The following BPIFA2 variants were observed in gnomAD, a reference collection of about 807,000 sequenced individuals.
BPIFA2 encodes the protein BPI fold-containing family A member 2.
A neutral mutation model predicts 25.7 loss-of-function variants in BPIFA2; 20 were observed. That is an observed-to-expected ratio of 0.78 (90% CI 0.55 to 1.13). The LOEUF is 1.13. Ranked by LOEUF, BPIFA2 falls within the 50% of genes most tolerant of loss-of-function variation. The probability of loss-of-function intolerance (pLI) is 0.00; values close to 1 mark genes in which losing one functional copy is unlikely to be tolerated. For synonymous variants in BPIFA2, 126 were observed against 124.3 expected (o/e 1.01, Z -0.09); for missense variants, 300 against 298.1 (o/e 1.01, Z -0.05).
intron 2 of BPIFA2, among the ~76,000 whole-genome samples, chr20:33,170,453 C>A (rs1049527069): frequency 6.6e-6 from 1 of 152,112 alleles, no homozygotes; most frequent in African/African-American, 2.4e-5. Flanking sequence ...ACTCTGTCAC[C>A]CAAGCTAGAG....
At chr20:33,162,244 G>A (rs1027008931) in intron 1 of BPIFA2, among the ~76,000 whole-genome samples, 1 of 152,192 alleles carries the variant, frequency 6.6e-6, no homozygotes, top group Non-Finnish European at 1.5e-5. Flanking sequence ...GCCTCCCAAA[G>A]TGCTGGAATT....
Position 33,172,980 on chromosome 20 carries a change from G to A in BPIFA2, c.206G>A (p.Ser69Asn). The change falls in exon 3 of 9, where the codon AGT becomes AAT. Residue 69 changes from serine (S) to asparagine (N), a missense_variant. Coordinates refer to ENST00000354932, the MANE Select transcript of BPIFA2 (RefSeq NM_080574.4). The stretch of plus-strand genomic sequence containing the variant: ...GACCTAGGAGTGCTTCAGAAATCCA[G>A]TGCTTGGCAACTGGCCAAGCAGAAG... ...KVDLGVLQKSSAWQLAKQKAQ... is the reference protein window; with the variant it reads ...KVDLGVLQKSNAWQLAKQKAQ... The A allele has an allele frequency of 6.2e-7, 1 of 1,614,086 alleles. No individual in the cohort carries two copies. Among genetic ancestry groups the A allele is most frequent in the Non-Finnish European group, 8.5e-7 (1 of 1,179,992 alleles).
intron 4 of BPIFA2, among the ~76,000 whole-genome samples, chr20:33,174,630 G>T (rs1984012174): frequency 6.6e-6 from 1 of 152,144 alleles, no homozygotes; most frequent in South Asian, 2.1e-4. Context: ...TTTAAGTTTA[G>T]CTGGGAGTGG....
upstream of BPIFA2, among the ~76,000 whole-genome samples, chr20:33,166,585 C>A (rs1388396570): frequency 1.3e-5 from 2 of 152,168 alleles, no homozygotes; most frequent in African/African-American, 2.4e-5. Flanking sequence ...CAGCAAGGTG[C>A]GGTCTCTGGC....
chr20:33,180,036 G>A (rs1425399912), intron 7 of BPIFA2, among the ~76,000 whole-genome samples: 1 of 151,930 alleles, frequency 6.6e-6, no homozygotes, highest in Non-Finnish European at 1.5e-5. Context: ...TGGGTGACAC[G>A]GTGAAACCCC....
chr20:33,162,223 C>T (rs1400913713), intron 1 of BPIFA2, among the ~76,000 whole-genome samples: 3 of 152,160 alleles, frequency 2.0e-5, no homozygotes, highest in Non-Finnish European at 2.9e-5. Context: ...TCAGGTGATC[C>T]ACCCGCCTTG....
chr20:33,167,726 C>T (rs1356720630), upstream of BPIFA2, among the ~76,000 whole-genome samples: 2 of 152,166 alleles, frequency 1.3e-5, no homozygotes, highest in South Asian at 2.1e-4. Context: ...AATTCTAGAC[C>T]CATCTCGGTC....
chr20:33,169,263 C>G lies in BPIFA2; in HGVS notation c.118C>G (p.Leu40Val), dbSNP rs1313759137. Residue 40 changes from leucine to valine, a missense_variant, in exon 2 of 9, where the codon CTT becomes GTT. Leu to Val is a conservative substitution (Grantham distance 32). Coordinates refer to ENST00000354932, the MANE Select transcript of BPIFA2 (RefSeq NM_080574.4). Reference protein sequence around the residue: ...SNVVDKLEPVLHEGLETVDNT... With the variant: ...SNVVDKLEPVVHEGLETVDNT... ...TGTCGTGGATAAGCTGGAACCTGTTCTTCACGAGGGACTTGAGACAGTTGA... is the reference window on the plus strand; with the variant it reads ...TGTCGTGGATAAGCTGGAACCTGTTGTTCACGAGGGACTTGAGACAGTTGA... 5 of 1,613,980 alleles carry G rather than the reference C, an allele frequency of 3.1e-6. No homozygotes were observed. In the Admixed American group the frequency reaches 8.3e-5, roughly 27 times the overall value.
exon 1 of BPIFA2, chr20:33,161,846 G>A (rs1983589006): frequency 1.3e-5 from 2 of 152,226 alleles, no homozygotes; most frequent in African/African-American, 4.8e-5. Flanking sequence ...ATTCTGCGAG[G>A]CCAGAGAGGA....
At chr20:33,177,914 C>T (rs945282942) in intron 5 of BPIFA2, among the ~76,000 whole-genome samples, 8 of 152,112 alleles carry the variant, frequency 5.3e-5, no homozygotes, top group African/African-American at 9.7e-5. Flanking sequence ...AATGAGTGAA[C>T]GAATAAGGTC....
At chr20:33,177,354 CAA>C (rs57465925) in intron 5 of BPIFA2, among the ~76,000 whole-genome samples, 1,887 of 120,780 alleles carry the variant, frequency 0.016, 33 homozygotes, top group East Asian at 0.047. Context: ...GACATTGTCT[CAA>C]AAAAAAAAAA....
intron 2 of BPIFA2, among the ~76,000 whole-genome samples, chr20:33,171,781 C>T (rs1362842389): frequency 1.3e-5 from 2 of 152,172 alleles, no homozygotes; most frequent in Admixed American, 1.3e-4. Flanking sequence ...CACTTTTGCC[C>T]TGTTGGTGGG....
chr20:33,170,492 CA>C (rs1198792720), intron 2 of BPIFA2, among the ~76,000 whole-genome samples: 1 of 152,168 alleles, frequency 6.6e-6, no homozygotes, highest in African/African-American at 2.4e-5. Flanking sequence ...CTCCTGGGCT[CA>C]ACTGATCCTC....
intron 1 of BPIFA2, among the ~76,000 whole-genome samples, chr20:33,168,449 C>T (rs182095045): frequency 6.6e-6 from 1 of 152,086 alleles, no homozygotes; most frequent in African/African-American, 2.4e-5. Context: ...GGTGTCAAGA[C>T]AAATGGCAAA....
At position 33,174,105 on chromosome 20, in the gene BPIFA2, T is replaced by C. The variant is rs987090897; in HGVS notation, c.329T>C (p.Leu110Pro). The change falls in exon 4 of 9, where the codon CTG becomes CCG. Residue 110 changes from leucine to proline, a missense_variant. Transcript: ENST00000354932. ...FGLKISNSLILDVKAEPIDDG... is the reference protein window; with the variant it reads ...FGLKISNSLIPDVKAEPIDDG... ...TTGAAAATCAGCAACTCCCTCATCC[T>C]GGATGTCAAAGCTGAACCGATCGAT... The C allele has an allele frequency of 6.2e-7, 1 of 1,614,180 alleles. No individual in the cohort carries two copies. Among genetic ancestry groups the C allele is most frequent in the South Asian group, 1.1e-5 (1 of 91,088 alleles).
In BPIFA2 at chr20:33,174,406, A is replaced by G. The variant is rs542566067; in HGVS notation, c.410+220A>G. On this transcript the variant is annotated intron_variant, in intron 4 of 8. Coordinates refer to ENST00000354932, the MANE Select transcript of BPIFA2 (RefSeq NM_080574.4). ...AAGTGTCTTTTAAAAACAATGCTCC[A>G]TTGAATATAGTTTTGAAATCATGAC... Among the ~76,000 whole-genome samples, 14 of 152,358 alleles carry G rather than the reference A, an allele frequency of 9.2e-5. No individual in the cohort carries two copies. In the East Asian group the frequency reaches 2.5e-3, roughly 27 times the overall value.
intron 5 of BPIFA2, among the ~76,000 whole-genome samples, chr20:33,177,398 G>A (rs1449251053): frequency 6.6e-6 from 1 of 151,990 alleles, no homozygotes. Context: ...TGTGTGCCAG[G>A]CAGGCACCAT....
chr20:33,169,402 C>T (rs754860791), intron 2 of BPIFA2, 100 bp downstream of exon 2: 47 of 1,231,368 alleles, frequency 3.8e-5, no homozygotes, highest in Non-Finnish European at 5.2e-5. Context: ...TCTTTATGGG[C>T]GGTTTACTGA....
chr20:33,168,967 G>T (rs771255306), intron 1 of BPIFA2, among the ~76,000 whole-genome samples, 164 bp from the exon 2 acceptor site: 1 of 152,146 alleles, frequency 6.6e-6, no homozygotes, highest in Admixed American at 6.5e-5. Context: ...GTGTGTCTCC[G>T]GGCAAGTTGC....
Sources: allele counts gnomAD v4.1 joint callset (sites outside exome capture counted in the v4.1 genomes callset), GRCh38; gene constraint gnomAD v4.1.1; transcripts MANE v1.5; gene names NCBI Gene and HGNC (gene_info 2026-07-23, HGNC 2026-07-21).